Variants in TADA2A observed in about 807,000 individuals in gnomAD.
TADA2A encodes transcriptional adapter 2-alpha.
TADA2A carries 38 observed loss-of-function variants against 67.4 expected under a neutral mutation model. The observed-to-expected ratio is 0.56, with a 90% CI of 0.44 to 0.74. TADA2A has a LOEUF of 0.74. Ranked by LOEUF, TADA2A falls within the 30% of genes least tolerant of loss-of-function variation. The probability of loss-of-function intolerance (pLI) is 0.00; values close to 1 mark genes in which losing one functional copy is unlikely to be tolerated. For synonymous variants in TADA2A, 192 were observed against 181.6 expected (o/e 1.06, Z -0.46); for missense variants, 454 against 547.0 (o/e 0.83, Z 1.70).
intron 2 of TADA2A, among the ~76,000 whole-genome samples, chr17:37,413,650 G>A (rs540182871): frequency 2.0e-5 from 3 of 152,004 alleles, no homozygotes; most frequent in Admixed American, 6.6e-5. Context: ...AGGCTCAAGC[G>A]ATGCCCCCAC....
At chr17:37,419,237 C>T (rs562928878) in intron 2 of TADA2A, among the ~76,000 whole-genome samples, 2 of 144,856 alleles carry the variant, frequency 1.4e-5, no homozygotes, top group Non-Finnish European at 3.1e-5. Context: ...GTGGCATGCT[C>T]AAGGCTTACT....
chr17:37,417,634 A>G (rs995567195), intron 2 of TADA2A, among the ~76,000 whole-genome samples: 9 of 151,888 alleles, frequency 5.9e-5, no homozygotes, highest in Non-Finnish European at 8.8e-5. Flanking sequence ...TCCTAGGTTC[A>G]AGTGATTCTC....
At chr17:37,442,990 C>T (rs2052966577) in intron 7 of TADA2A, among the ~76,000 whole-genome samples, 1 of 152,022 alleles carries the variant, frequency 6.6e-6, no homozygotes, top group Admixed American at 6.6e-5. Flanking sequence ...TAGTGAGACC[C>T]TGTCTCTACA....
At chr17:37,464,185 A>G (rs182640768) in intron 10 of TADA2A, among the ~76,000 whole-genome samples, 245 of 152,336 alleles carry the variant, frequency 1.6e-3, no homozygotes, top group Non-Finnish European at 2.0e-3. Flanking sequence ...AGTGATCCCC[A>G]GAGTTGCTGC....
chr17:37,461,865 A>C (rs535098199), intron 9 of TADA2A: 4 of 493,048 alleles, frequency 8.1e-6, no homozygotes, highest in Non-Finnish European at 1.1e-5. Context: ...AGAGTCTACT[A>C]TGCCCAACAA....
chr17:37,435,446 AC>A (rs1308574773), intron 4 of TADA2A, among the ~76,000 whole-genome samples: 1 of 150,716 alleles, frequency 6.6e-6, no homozygotes, highest in Non-Finnish European at 1.5e-5. Flanking sequence ...CTGCCACCAC[AC>A]CCGGCTAATT....
rs1032716034 is a variant in TADA2A, at chr17:37,437,938, C to T, written c.284+109C>T. On this transcript the variant is annotated intron_variant, in intron 5 of 15. Coordinates refer to ENST00000615182, the MANE Select transcript of TADA2A (RefSeq NM_001166105.3). ...GGAAGAGAAAGTATGTGTTGCTTTC[C>T]TATCAACCCATGATTTAGAGGCAAG... 10 of 1,030,728 alleles carry T rather than the reference C, an allele frequency of 9.7e-6. No individual in the cohort carries two copies. In the African/African-American group the frequency reaches 1.6e-4, roughly 16 times the overall value. The allele number at this position is 1,030,728 out of a possible 1,614,324, so 63.8% of individuals were successfully genotyped here. A position where few individuals can be genotyped will look rare whatever the true frequency, so the allele number is the denominator to read the frequency against.
chr17:37,455,367 TG>T (rs777665489), intron 8 of TADA2A, among the ~76,000 whole-genome samples: 36,941 of 144,712 alleles, frequency 0.26, 5,004 homozygotes, highest in African/African-American at 0.37. Flanking sequence ...TTTGTTTTTT[TG>T]TTTGTTTGTT....
chr17:37,457,612 T>C (rs1410956384), intron 8 of TADA2A, among the ~76,000 whole-genome samples: 1 of 145,270 alleles, frequency 6.9e-6, no homozygotes, highest in African/African-American at 2.6e-5. Flanking sequence ...TTCTCCCACC[T>C]CAGCCTCCCG....
intron 10 of TADA2A, among the ~76,000 whole-genome samples, chr17:37,464,061 G>A (rs1326176279): frequency 6.6e-6 from 1 of 152,046 alleles, no homozygotes; most frequent in Non-Finnish European, 1.5e-5. Context: ...TGATTGAAAC[G>A]ACCCAAGTAG....
intron 5 of TADA2A, 55 bp downstream of exon 5, chr17:37,437,884 G>C (rs372980096): frequency 6.5e-5 from 99 of 1,526,888 alleles, no homozygotes; most frequent in Admixed American, 8.5e-5. Flanking sequence ...AGAAGAAGCT[G>C]TTGTTGAAGA....
Position 37,409,146 on chromosome 17 carries a change from C to T in TADA2A, c.-97-2123C>T, listed in dbSNP as rs1884682795. ...TGTCGCCCAGGCTGGAGTGCAGTGG[C>T]ACAATCTCGGCTCACTGCAACCTCC... On this transcript the variant is annotated intron_variant, in intron 1 of 15. Coordinates refer to ENST00000615182, the MANE Select transcript of TADA2A (RefSeq NM_001166105.3). Among the ~76,000 whole-genome samples, 3 of 152,122 alleles carry T rather than the reference C, an allele frequency of 2.0e-5. No individual in the cohort carries two copies. The South Asian group carries it at 6.2e-4, about 32-fold the overall frequency.
intron 4 of TADA2A, among the ~76,000 whole-genome samples, chr17:37,427,474 A>G (rs2052442927): frequency 6.6e-6 from 1 of 152,230 alleles, no homozygotes; most frequent in Non-Finnish European, 1.5e-5. Flanking sequence ...TAAAGTGAAC[A>G]CAGCAAATGA....
intron 12 of TADA2A, among the ~76,000 whole-genome samples, chr17:37,468,976 C>T (rs780537250): frequency 1.3e-5 from 2 of 151,974 alleles, no homozygotes; most frequent in Non-Finnish European, 2.9e-5. Flanking sequence ...TCTTGGTTCA[C>T]CACAACCTCT....
chr17:37,444,484 T>C (rs975310195), intron 7 of TADA2A, among the ~76,000 whole-genome samples: 1 of 152,156 alleles, frequency 6.6e-6, no homozygotes, highest in Non-Finnish European at 1.5e-5. Context: ...ACTATTCCAA[T>C]TTTTTGTTGT....
chr17:37,425,497 T>C (rs1288492188), intron 3 of TADA2A, among the ~76,000 whole-genome samples: 1 of 152,202 alleles, frequency 6.6e-6, no homozygotes, highest in African/African-American at 2.4e-5. Context: ...TTAAGTAACT[T>C]GTTCAGGGTC....
intron 2 of TADA2A, among the ~76,000 whole-genome samples, chr17:37,413,061 G>A (rs2051927169): frequency 6.6e-6 from 1 of 151,924 alleles, no homozygotes; most frequent in African/African-American, 2.4e-5. Flanking sequence ...CGAGTAGCTG[G>A]GAGTATAGGC....
intron 2 of TADA2A, among the ~76,000 whole-genome samples, chr17:37,417,001 T>C (rs2147909769): frequency 6.6e-6 from 1 of 152,164 alleles, no homozygotes; most frequent in South Asian, 2.1e-4. Flanking sequence ...GCTCTGTGTA[T>C]CAAAAACCTA....
chr17:37,468,552 A>C (rs1316597537), intron 12 of TADA2A, among the ~76,000 whole-genome samples: 2 of 149,818 alleles, frequency 1.3e-5, no homozygotes, highest in African/African-American at 4.9e-5. Flanking sequence ...TTTTCCCTAG[A>C]GACTGACTCT....
Sources: allele counts gnomAD v4.1 joint callset (sites outside exome capture counted in the v4.1 genomes callset), GRCh38; gene constraint gnomAD v4.1.1; transcripts MANE v1.5; gene names NCBI Gene and HGNC (gene_info 2026-07-23, HGNC 2026-07-21).